BMPER: variants seen among roughly 807,000 people sequenced by gnomAD.
The protein encoded by BMPER is BMP-binding endothelial regulator protein.
A neutral mutation model predicts 87.3 loss-of-function variants in BMPER; 45 were observed. The observed-to-expected ratio is 0.52, with a 90% CI of 0.41 to 0.66. The LOEUF (loss-of-function observed/expected upper bound fraction) is 0.66, where lower values mean the gene tolerates loss of function less well. Among genes scored for constraint, BMPER ranks in the 30% least tolerant of loss-of-function variants. BMPER has a pLI of 0.00. For missense variants in BMPER, 784 were observed against 867.5 expected (o/e 0.90, Z 1.21); for synonymous variants, 326 against 316.2 (o/e 1.03, Z -0.33).
At chr7:33,972,169 C>T (rs561885077) in intron 5 of BMPER, among the ~76,000 whole-genome samples, 3 of 152,156 alleles carry the variant, frequency 2.0e-5, no homozygotes, top group Non-Finnish European at 4.4e-5. Context: ...TCCCAAAGTG[C>T]TGGGATTACA....
rs79705796 is a variant in BMPER, at chr7:33,916,470, C to T, written c.219+9567C>T. Among the ~76,000 whole-genome samples, 669 of 152,280 alleles carry T rather than the reference C, an allele frequency of 4.4e-3. 2 individuals carry two copies. Among genetic ancestry groups the T allele is most frequent in the Non-Finnish European group, 8.0e-3 (545 of 68,022 alleles). The stretch of plus-strand genomic sequence containing the variant: ...ATTTTAAAGAGTGTGATGTGGCCAG[C>T]ATCCTGCTTTCCAGCAAACCACAGG... On this transcript the variant is annotated intron_variant, in intron 2 of 14. Coordinates refer to ENST00000649409, the MANE Select transcript of BMPER (RefSeq NM_001365308.1).
chr7:33,922,807 G>T (rs1045549582), intron 2 of BMPER, among the ~76,000 whole-genome samples: 2 of 152,154 alleles, frequency 1.3e-5, no homozygotes, highest in Non-Finnish European at 2.9e-5. Flanking sequence ...TGTTCAGGTG[G>T]GGGTTAGTAA....
chr7:34,064,470 A>G (rs1367338665), intron 11 of BMPER, among the ~76,000 whole-genome samples: 1 of 152,202 alleles, frequency 6.6e-6, no homozygotes, highest in Non-Finnish European at 1.5e-5. Flanking sequence ...ATCGTAAAGA[A>G]AAAGAAAAGA....
At chr7:34,086,395 A>C (rs1280928026) in intron 13 of BMPER, among the ~76,000 whole-genome samples, 1 of 152,308 alleles carries the variant, frequency 6.6e-6, no homozygotes, top group Admixed American at 6.5e-5. Flanking sequence ...GCTTAACTCT[A>C]AGATTGAGGA....
intron 2 of BMPER, among the ~76,000 whole-genome samples, chr7:33,918,149 G>C (rs111335888): frequency 4.6e-5 from 7 of 152,062 alleles, no homozygotes; most frequent in Admixed American, 3.9e-4. Flanking sequence ...CTAGGATCTT[G>C]ATCTTAATTT....
In BMPER at chr7:34,024,452, TAA is replaced by T. The variant is rs78715545; in HGVS notation, c.577-21844_577-21843del. Among the ~76,000 whole-genome samples, 750 of 83,056 alleles carry T rather than the reference TAA, an allele frequency of 9.0e-3. 32 individuals are homozygous for T. The highest frequency in any genetic ancestry group is 0.039 in the African/African-American group (711 of 18,362). The allele number at this position is 83,056 out of a possible 152,430, so 54.5% of individuals were successfully genotyped here. A position where few individuals can be genotyped will look rare whatever the true frequency, so the allele number is the denominator to read the frequency against. On this transcript the variant is annotated intron_variant, in intron 6 of 14. Coordinates refer to ENST00000649409, the MANE Select transcript of BMPER (RefSeq NM_001365308.1). The stretch of plus-strand genomic sequence containing the variant: ...ATATATATGTTGGGGAGGGGTATGG[TAA>T]AAAAAAAAATCAAATAGTGCTAAAA...
At chr7:34,098,212 A>G (rs982583649) in intron 13 of BMPER, among the ~76,000 whole-genome samples, 9 of 152,238 alleles carry the variant, frequency 5.9e-5, no homozygotes, top group Middle Eastern at 3.4e-3. Flanking sequence ...AGGACCCAGT[A>G]AGGGAGGGAG....
chr7:33,987,302 C>T (rs1262227684), intron 6 of BMPER, among the ~76,000 whole-genome samples: 2 of 152,056 alleles, frequency 1.3e-5, no homozygotes, highest in Non-Finnish European at 2.9e-5. Context: ...TAAATGGTAC[C>T]ACTTGTTTGG....
intron 13 of BMPER, among the ~76,000 whole-genome samples, chr7:34,086,734 C>T (rs1472988503): frequency 6.6e-6 from 1 of 152,174 alleles, no homozygotes; most frequent in Non-Finnish European, 1.5e-5. Flanking sequence ...CTCTTTTTAA[C>T]CCCCTTCCAC....
At chr7:34,005,384 A>G (rs1180975317) in intron 6 of BMPER, among the ~76,000 whole-genome samples, 1 of 152,076 alleles carries the variant, frequency 6.6e-6, no homozygotes, top group African/African-American at 2.4e-5. Flanking sequence ...TTCTCAATAC[A>G]CACCTCAGAT....
intron 14 of BMPER, among the ~76,000 whole-genome samples, chr7:34,151,555 T>C (rs1791176693): frequency 6.6e-6 from 1 of 152,198 alleles, no homozygotes; most frequent in Admixed American, 6.5e-5. Context: ...CAATAAGGCA[T>C]AGATGATATG....
intron 3 of BMPER, among the ~76,000 whole-genome samples, chr7:33,954,099 C>G (rs1785092506): frequency 1.3e-5 from 2 of 152,114 alleles, no homozygotes; most frequent in Non-Finnish European, 2.9e-5. Context: ...GAATTAGCCC[C>G]CTAGGTGGTT....
intron 13 of BMPER, among the ~76,000 whole-genome samples, chr7:34,127,982 G>C (rs1017793372): frequency 6.6e-6 from 1 of 152,170 alleles, no homozygotes; most frequent in Non-Finnish European, 1.5e-5. Flanking sequence ...TGCTCCAACT[G>C]TCAGTGACTC....
upstream of BMPER, chr7:33,905,502 GGACGGTCTCCC>G (rs1783785811): frequency 2.4e-6 from 3 of 1,260,954 alleles, no homozygotes; most frequent in Admixed American, 2.4e-5. Flanking sequence ...CCTCCTTCGC[GGACGGTCTCCC>G]GACACGCCGG....
intron 13 of BMPER, among the ~76,000 whole-genome samples, chr7:34,114,906 C>T (rs1194130286): frequency 6.6e-6 from 1 of 152,238 alleles, no homozygotes; most frequent in Non-Finnish European, 1.5e-5. Context: ...CCAGATGTTG[C>T]AGGCCACCCA....
At chr7:34,060,567 G>A (rs1388953491) in intron 10 of BMPER, among the ~76,000 whole-genome samples, 2 of 152,280 alleles carry the variant, frequency 1.3e-5, no homozygotes, top group South Asian at 2.1e-4. Flanking sequence ...TATCATTTAG[G>A]CCTAGCTGAT....
intron 2 of BMPER, among the ~76,000 whole-genome samples, chr7:33,913,162 G>A (rs1784002329): frequency 6.6e-6 from 1 of 152,160 alleles, no homozygotes; most frequent in Admixed American, 6.5e-5. Flanking sequence ...CCGTGATGTG[G>A]GAGGAGAGAT....
In BMPER at chr7:34,154,371, C is replaced by T. The variant is rs1444039311; in HGVS notation, c.*1098C>T. The T allele has an allele frequency of 6.6e-6, 1 of 152,160 alleles. No individual in the cohort carries two copies. Among genetic ancestry groups the T allele is most frequent in the Non-Finnish European group, 1.5e-5 (1 of 68,032 alleles). The allele number at this position is 152,160 out of a possible 1,614,324, so 9.4% of individuals were successfully genotyped here. A position where few individuals can be genotyped will look rare whatever the true frequency, so the allele number is the denominator to read the frequency against. ...TTACTGATAGGCTGCTACTAGTTAC[C>T]ATTTGATTGTCTTGACTTTCGTCTT... is the stretch of plus-strand genomic sequence containing the variant. On this transcript the variant is annotated 3_prime_UTR_variant, in exon 15 of 15. Transcript: ENST00000649409.
intron 3 of BMPER, among the ~76,000 whole-genome samples, chr7:33,946,690 T>C (rs577630243): frequency 6.6e-6 from 1 of 152,310 alleles, no homozygotes; most frequent in South Asian, 2.1e-4. Context: ...GATAACAGAA[T>C]CCTATCATGA....
Sources: gnomAD v4.1 joint callset for allele counts (sites outside exome capture counted in the v4.1 genomes callset) on GRCh38, gnomAD v4.1.1 for gene constraint, MANE v1.5 for transcripts, NCBI Gene and HGNC (gene_info 2026-07-23, HGNC 2026-07-21) for gene names.